Variants in RAPGEF6 observed in about 807,000 individuals in gnomAD.
RAPGEF6 encodes the protein PDZ domain containing guanine nucleotide exchange factor (GEF) 2.
RAPGEF6 carries 56 observed loss-of-function variants against 171.4 expected under a neutral mutation model. That is an observed-to-expected ratio of 0.33 (90% CI 0.26 to 0.41). The LOEUF (loss-of-function observed/expected upper bound fraction) is 0.41. Ranked by LOEUF, RAPGEF6 falls within the 10% of genes least tolerant of loss-of-function variation. The pLI, the probability that RAPGEF6 is intolerant of heterozygous loss-of-function variation, is 1.00. For missense variants in RAPGEF6, 1,674 were observed against 1,921.4 expected (o/e 0.87, Z 2.41); for synonymous variants, 692 against 650.1 (o/e 1.06, Z -0.98).
At chr5:131,548,810 C>T (rs1232652028) in intron 5 of RAPGEF6, among the ~76,000 whole-genome samples, 1 of 151,968 alleles carries the variant, frequency 6.6e-6, no homozygotes, top group Non-Finnish European at 1.5e-5. Flanking sequence ...AAAGAAAAAC[C>T]CAAAGATATT....
Position 131,548,089 on chromosome 5 carries a change from G to C in RAPGEF6, c.453C>G (p.Arg151=). 3 of 1,613,828 alleles carry C rather than the reference G, an allele frequency of 1.9e-6. No homozygotes were observed. The highest frequency in any genetic ancestry group is 2.5e-6 in the Non-Finnish European group (3 of 1,179,936). ...CCTCCACATCATCAGTAATGGTTTGGCGCTCTCCTTTATAGTTAATTTTCC... is the reference window on the plus strand; with the variant it reads ...CCTCCACATCATCAGTAATGGTTTGCCGCTCTCCTTTATAGTTAATTTTCC... ...RFRKINYKGE[R]QTITDDVEVN... is the part of the protein sequence containing the mutation. Residue 151 remains arginine, a synonymous_variant, in exon 6 of 28, where the codon CGC becomes CGG. Coordinates refer to ENST00000509018, the MANE Select transcript of RAPGEF6 (RefSeq NM_016340.6).
rs1751389674 is a variant in RAPGEF6 at position 131,426,267 on chromosome 5, T to C, written c.*999A>G. On this transcript the variant is annotated 3_prime_UTR_variant, in exon 28 of 28. Coordinates refer to ENST00000509018, the MANE Select transcript of RAPGEF6 (RefSeq NM_016340.6). ...CTGCAGAACACTGCATAAAGTCAAA[T>C]TCGTCTTCATTATTACAACACCCAT... is the stretch of plus-strand genomic sequence containing the variant. 6.6e-6 allele frequency: 1 copy of C among 152,284 alleles called. No individual in the cohort carries two copies. The highest frequency in any genetic ancestry group is 2.4e-5 in the African/African-American group (1 of 41,448). 9.4% of individuals were successfully genotyped at this position (152,284 alleles called of 1,614,324 possible).
At chr5:131,461,102 G>A (rs1753900670) in intron 19 of RAPGEF6, among the ~76,000 whole-genome samples, 1 of 152,022 alleles carries the variant, frequency 6.6e-6, no homozygotes. Context: ...GGGAAGAAGG[G>A]AGTGGGAGAG....
intron 18 of RAPGEF6, among the ~76,000 whole-genome samples, chr5:131,462,310 G>A (rs1753991817): frequency 6.6e-6 from 1 of 152,096 alleles, no homozygotes; most frequent in Non-Finnish European, 1.5e-5. Context: ...TAAAAATAAT[G>A]TTGTTATGTC....
intron 21 of RAPGEF6, chr5:131,450,020 T>TA: frequency 6.5e-7 from 1 of 1,542,640 alleles, no homozygotes. Context: ...TCTCTACACT[T>TA]ACCCCAGACT....
At chr5:131,490,704 C>G (rs928780593) in intron 14 of RAPGEF6, among the ~76,000 whole-genome samples, 2 of 152,100 alleles carry the variant, frequency 1.3e-5, no homozygotes, top group Admixed American at 1.3e-4. Context: ...ACACAAGTAT[C>G]TTCAGGAAGG....
chr5:131,583,278 C>T (rs899835226), intron 4 of RAPGEF6, among the ~76,000 whole-genome samples: 8 of 152,154 alleles, frequency 5.3e-5, no homozygotes, highest in African/African-American at 1.7e-4. Flanking sequence ...TATATCCCCT[C>T]CATTGTGAAG....
In RAPGEF6 at chr5:131,472,790, T is replaced by G. The variant is rs760483147; in HGVS notation, c.2082-46A>C. 32 of 1,522,090 alleles carry G rather than the reference T, an allele frequency of 2.1e-5. No homozygotes were observed. The Admixed American group carries it at 4.8e-4, about 23-fold the overall frequency. 94.3% of individuals were successfully genotyped at this position (1,522,090 alleles called of 1,614,324 possible). ...TCACTTTAAAGTATTTGAGAGTACTTAAGTAGTAAACGTTTCTGTTCCCTG... is the reference window on the plus strand; with the variant it reads ...TCACTTTAAAGTATTTGAGAGTACTGAAGTAGTAAACGTTTCTGTTCCCTG... On this transcript the variant is annotated intron_variant, in intron 16 of 27. Coordinates refer to ENST00000509018, the MANE Select transcript of RAPGEF6 (RefSeq NM_016340.6).
chr5:131,459,142 A>C (rs1753724366), intron 19 of RAPGEF6, among the ~76,000 whole-genome samples: 2 of 152,354 alleles, frequency 1.3e-5, no homozygotes, highest in South Asian at 4.1e-4. Context: ...AAATCAATGA[A>C]GCAATGAGTG....
intron 22 of RAPGEF6, among the ~76,000 whole-genome samples, chr5:131,443,564 C>T (rs1752512984): frequency 1.3e-5 from 2 of 152,114 alleles, no homozygotes; most frequent in Non-Finnish European, 2.9e-5. Context: ...TATCATTTCC[C>T]TTCTCCTTCT....
intron 4 of RAPGEF6, among the ~76,000 whole-genome samples, chr5:131,581,068 T>C (rs1410840229): frequency 6.6e-6 from 1 of 152,146 alleles, no homozygotes. Flanking sequence ...CCGCAGCCTC[T>C]CCAATGACTT....
intron 6 of RAPGEF6, among the ~76,000 whole-genome samples, chr5:131,525,934 T>C (rs1047152316): frequency 4.6e-5 from 7 of 152,194 alleles, no homozygotes; most frequent in Non-Finnish European, 1.0e-4. Context: ...GTGTTATTAT[T>C]ATCTCTATTT....
chr5:131,557,946 T>C (rs1761344734), intron 5 of RAPGEF6, among the ~76,000 whole-genome samples: 2 of 152,206 alleles, frequency 1.3e-5, no homozygotes, highest in Admixed American at 1.3e-4. Flanking sequence ...CATTTAAAAA[T>C]ACTAACCTAT....
intron 25 of RAPGEF6, among the ~76,000 whole-genome samples, chr5:131,432,547 G>A (rs1173549288): frequency 1.3e-5 from 2 of 152,156 alleles, no homozygotes; most frequent in African/African-American, 4.8e-5. Context: ...GAACCCAGGA[G>A]GCGGAGCTTG....
chr5:131,469,826 CA>C, intron 17 of RAPGEF6: 1 of 1,518,814 alleles, frequency 6.6e-7, no homozygotes, highest in Non-Finnish European at 8.8e-7. Flanking sequence ...CTGTATGCAG[CA>C]AAAATAAAGC....
chr5:131,508,157 T>C lies in RAPGEF6; in HGVS notation c.856A>G (p.Met286Val), dbSNP rs748081157. 11 of 1,613,218 alleles carry C rather than the reference T, an allele frequency of 6.8e-6. No individual in the cohort carries two copies. Among genetic ancestry groups the C allele is most frequent in the Non-Finnish European group, 8.5e-6 (10 of 1,179,622 alleles). Reference protein sequence around the residue: ...HQLPAFANMTMSVRRELCSVM... With the variant: ...HQLPAFANMTVSVRRELCSVM... The stretch of plus-strand genomic sequence containing the variant: ...GAGCAGAGTTCTCTCCTTACAGACA[T>C]GGTCATGTTTGCAAATGCAGGGAGC... The change falls in exon 9 of 28, where the codon ATG (methionine) becomes GTG (valine). Residue 286 changes from methionine (M) to valine (V), a missense_variant. Met to Val is a conservative substitution (Grantham distance 21). This residue lies in a region of RAPGEF6 where 1,116 missense variants were observed against 1,321.5 expected (regional missense o/e 0.84). Transcript: ENST00000509018.
chr5:131,472,543 A>G, intron 17 of RAPGEF6, 44 bp downstream of exon 17: 2 of 1,581,576 alleles, frequency 1.3e-6, no homozygotes, highest in Non-Finnish European at 1.7e-6. Context: ...CTATTTGTTC[A>G]TTTGGTACCA....
At chr5:131,550,991 T>C (rs1311318720) in intron 5 of RAPGEF6, among the ~76,000 whole-genome samples, 1 of 152,250 alleles carries the variant, frequency 6.6e-6, no homozygotes, top group Non-Finnish European at 1.5e-5. Context: ...TGTAATATTA[T>C]ATTCATCTTT....
intron 4 of RAPGEF6, among the ~76,000 whole-genome samples, chr5:131,568,882 T>A (rs2149976877): frequency 6.6e-6 from 1 of 152,248 alleles, no homozygotes; most frequent in African/African-American, 2.4e-5. Flanking sequence ...AAAGATTATA[T>A]CAAGGTCACA....
Sources: gnomAD v4.1 joint callset for allele counts (sites outside exome capture counted in the v4.1 genomes callset) on GRCh38, gnomAD v4.1.1 for gene constraint, gnomAD v4.1.1 regional missense constraint, MANE v1.5 for transcripts, NCBI Gene and HGNC (gene_info 2026-07-23, HGNC 2026-07-21) for gene names.